RILPL1: variants seen among roughly 807,000 people sequenced by gnomAD.
The protein encoded by RILPL1 is Rab interacting lysosomal protein like 1.
A neutral mutation model predicts 50.3 loss-of-function variants in RILPL1; 33 were observed. The observed-to-expected ratio is 0.66, with a 90% CI of 0.50 to 0.88. The LOEUF (loss-of-function observed/expected upper bound fraction) is 0.88. Among genes scored for constraint, RILPL1 ranks in the 40% least tolerant of loss-of-function variants. RILPL1 has a pLI of 0.00. For synonymous variants in RILPL1, 205 were observed against 228.6 expected, an observed-to-expected ratio of 0.90 and a Z score of 0.93; for missense variants, 418 against 542.5, an observed-to-expected ratio of 0.77 and a Z score of 2.28.
chr12:123,513,402 GC>G, intron 2 of RILPL1: 1 of 357,808 alleles, frequency 2.8e-6, no homozygotes, highest in Non-Finnish European at 5.9e-6. Flanking sequence ...CGAGAGGTGG[GC>G]GGGAGGCGAG....
At position 123,485,151 on chromosome 12, in the gene RILPL1, T is replaced by C; in HGVS notation, c.974+482A>G. The C allele has an allele frequency of 2.2e-6, 1 of 456,326 alleles. No homozygotes were observed. The highest frequency in any genetic ancestry group is 1.5e-5 in the South Asian group (1 of 64,560). 28.3% of individuals were successfully genotyped at this position (456,326 alleles called of 1,614,324 possible). A position where few individuals can be genotyped will look rare whatever the true frequency, so the allele number is the denominator to read the frequency against. On this transcript the variant is annotated intron_variant, in intron 5 of 6. Transcript: ENST00000376874. The surrounding 1 kb of genome is among the most constrained non-coding windows in gnomAD (Gnocchi z 4.0). ...ACTGTGTGCCAAGCTCCATTCTAAGTGCTGGGAACTTAGCCATGGACAAGA... is the reference window on the plus strand; with the variant it reads ...ACTGTGTGCCAAGCTCCATTCTAAGCGCTGGGAACTTAGCCATGGACAAGA...
intron 2 of RILPL1, among the ~76,000 whole-genome samples, chr12:123,520,596 C>T (rs1884966770): frequency 6.6e-6 from 1 of 152,114 alleles, no homozygotes. Flanking sequence ...ACAAAAAAGT[C>T]CTCCTTCTTG....
intron 2 of RILPL1, among the ~76,000 whole-genome samples, chr12:123,511,594 CTGTGTGTGTGG>C (rs1451686164): frequency 1.3e-5 from 1 of 79,006 alleles, no homozygotes; most frequent in Admixed American, 1.4e-4. Flanking sequence ...GGTGTGAGGT[CTGTGTGTGTGG>C]TGTGTGTGAG....
chr12:123,477,387 G>A (rs13303167), intron 6 of RILPL1, among the ~76,000 whole-genome samples: 26,964 of 139,244 alleles, frequency 0.19, 2,670 homozygotes, highest in Middle Eastern at 0.28. Context: ...CACCCAGGCT[G>A]CAGTGTAGTG....
chr12:123,489,671 TAA>T lies in RILPL1; in HGVS notation c.802-3868_802-3867del, dbSNP rs35865984. On this transcript the variant is annotated intron_variant, in intron 4 of 6. Transcript: ENST00000376874. The surrounding 1 kb of genome is among the most constrained non-coding windows in gnomAD (Gnocchi z 4.0). ...AGAGCGACAGAGTAAGACTCCATCT[TAA>T]AAAAAAAAAAAATAGTGCACAGACA... Among the ~76,000 whole-genome samples the T allele has an allele frequency of 0.13, 19,225 of 142,678 alleles. 1,441 individuals carry two copies. Among genetic ancestry groups the T allele is most frequent in the Non-Finnish European group, 0.18 (11,780 of 65,312 alleles). 93.6% of individuals were successfully genotyped at this position (142,678 alleles called of 152,430 possible).
At chr12:123,504,660 C>T (rs1419204730) in intron 2 of RILPL1, among the ~76,000 whole-genome samples, 1 of 152,228 alleles carries the variant, frequency 6.6e-6, no homozygotes, top group African/African-American at 2.4e-5. Context: ...AACTGCTTTA[C>T]ACCCTGGACC....
chr12:123,532,315 G>A (rs1419952300), intron 1 of RILPL1, among the ~76,000 whole-genome samples: 3 of 152,148 alleles, frequency 2.0e-5, no homozygotes, highest in African/African-American at 2.4e-5. Context: ...CAGAAACCTC[G>A]TCTGAACTCC....
chr12:123,472,720 C>A (rs1464656323), intron 6 of RILPL1, 38 bp from the exon 7 acceptor site: 3 of 1,578,216 alleles, frequency 1.9e-6, no homozygotes, highest in Non-Finnish European at 2.6e-6. Context: ...TGAGAGCTGA[C>A]CCTTTGCTGT....
intron 4 of RILPL1, among the ~76,000 whole-genome samples, chr12:123,488,745 G>A (rs1882508357): frequency 6.6e-6 from 1 of 152,252 alleles, no homozygotes; most frequent in African/African-American, 2.4e-5. Flanking sequence ...GCACGGGGCA[G>A]CAGAGGAGGG....
At chr12:123,524,683 T>C (rs1885187169) in intron 1 of RILPL1, among the ~76,000 whole-genome samples, 2 of 152,124 alleles carry the variant, frequency 1.3e-5, no homozygotes, top group South Asian at 2.1e-4. Context: ...AAAGGTCACA[T>C]GTTATATGAT....
intron 1 of RILPL1, among the ~76,000 whole-genome samples, chr12:123,528,127 G>A (rs1162443946): frequency 1.3e-5 from 2 of 152,050 alleles, no homozygotes; most frequent in Non-Finnish European, 2.9e-5. Flanking sequence ...AGTACTTTGG[G>A]AGGCTGAGGC....
At chr12:123,510,061 G>A (rs1163352273) in intron 2 of RILPL1, among the ~76,000 whole-genome samples, 3 of 152,210 alleles carry the variant, frequency 2.0e-5, no homozygotes, top group Non-Finnish European at 4.4e-5. Context: ...GGCAGGGCAG[G>A]GTGTCAGCAG....
chr12:123,482,263 C>G (rs1282415784), intron 6 of RILPL1, among the ~76,000 whole-genome samples: 1 of 152,128 alleles, frequency 6.6e-6, no homozygotes, highest in Non-Finnish European at 1.5e-5. Context: ...GTGTTGGGAT[C>G]TAGAGGAAGC....
Position 123,523,628 on chromosome 12 carries a change from C to T in RILPL1, c.327G>A (p.Glu109=). The stretch of plus-strand genomic sequence containing the variant: ...CCTGCGCCTCCCCTCGCCACACATC[C>T]TCCACCAGCTCCAGCTCCTGCCAAG... ...RKHQKELELV[E]DVWRGEAQDL... The change falls in exon 2 of 7, where the codon GAG becomes GAA. Residue 109 remains glutamate (E), a synonymous_variant. Transcript: ENST00000376874. 1 of 1,613,572 alleles carries T rather than the reference C, an allele frequency of 6.2e-7. No individual in the cohort carries two copies. Among genetic ancestry groups the T allele is most frequent in the Non-Finnish European group, 8.5e-7 (1 of 1,179,820 alleles).
chr12:123,517,206 C>T (rs1004402177), intron 2 of RILPL1, among the ~76,000 whole-genome samples: 2 of 152,156 alleles, frequency 1.3e-5, no homozygotes, highest in Non-Finnish European at 2.9e-5. Flanking sequence ...AGGATGCCGA[C>T]AGCCCCCAGA....
intron 4 of RILPL1, among the ~76,000 whole-genome samples, chr12:123,490,600 T>A (rs192709941): frequency 4.7e-4 from 72 of 152,154 alleles, no homozygotes; most frequent in East Asian, 1.4e-3. Context: ...CTTTTTTTTT[T>A]AATTTTATTT....
chr12:123,521,659 A>ATG (rs1464038985), intron 2 of RILPL1, among the ~76,000 whole-genome samples: 8 of 12,120 alleles, frequency 6.6e-4, no homozygotes, highest in African/African-American at 1.1e-3. Flanking sequence ...ATACACATAT[A>ATG]TGTATATATA....
chr12:123,508,350 T>C (rs1883885717), intron 2 of RILPL1, among the ~76,000 whole-genome samples: 1 of 151,858 alleles, frequency 6.6e-6, no homozygotes, highest in African/African-American at 2.4e-5. Context: ...GCTATGATTG[T>C]GCCACTGCTC....
chr12:123,475,764 T>A, intron 6 of RILPL1: 1 of 1,525,256 alleles, frequency 6.6e-7, no homozygotes, highest in Non-Finnish European at 8.9e-7. Flanking sequence ...GTTAGAGAAG[T>A]ACAGATAGAC....
Sources: gnomAD v4.1 joint callset for allele counts (sites outside exome capture counted in the v4.1 genomes callset) on GRCh38, gnomAD v4.1.1 for gene constraint, Gnocchi (gnomAD v3.1) non-coding constraint, MANE v1.5 for transcripts, NCBI Gene and HGNC (gene_info 2026-07-23, HGNC 2026-07-21) for gene names.